FGGY: variants seen among roughly 807,000 people sequenced by gnomAD.
The protein encoded by FGGY is FGGY carbohydrate kinase domain containing, also known as FGGY carbohydrate kinase domain-containing protein.
In FGGY, 72 loss-of-function variants were observed where a neutral mutation model predicts 71.3. That is an observed-to-expected ratio of 1.01 (90% CI 0.84 to 1.23). The LOEUF is 1.23. Among genes scored for constraint, FGGY ranks in the 50% most tolerant of loss-of-function variants. The pLI is 0.00. For synonymous variants in FGGY, 251 were observed against 250.3 expected (o/e 1.00, Z -0.02); for missense variants, 668 against 682.3 (o/e 0.98, Z 0.23).
At chr1:59,394,107 G>A (rs779334137) in intron 5 of FGGY, among the ~76,000 whole-genome samples, 16 of 152,154 alleles carry the variant, frequency 1.1e-4, no homozygotes, top group Non-Finnish European at 2.1e-4. Context: ...GGAAGGGCCA[G>A]TATTTTTCTT....
chr1:59,648,559 G>T (rs2097123486), intron 11 of FGGY, among the ~76,000 whole-genome samples: 1 of 145,942 alleles, frequency 6.9e-6, no homozygotes, highest in Non-Finnish European at 1.5e-5. Context: ...TTTGAGAAGT[G>T]TCTGTTCATG....
intron 13 of FGGY, among the ~76,000 whole-genome samples, chr1:59,669,201 G>T (rs2097353351): frequency 6.6e-6 from 1 of 152,108 alleles, no homozygotes; most frequent in Admixed American, 6.6e-5. Flanking sequence ...AATTAAATTG[G>T]CTATCTAAAG....
At chr1:59,695,711 A>G (rs2097651636) in intron 14 of FGGY, among the ~76,000 whole-genome samples, 1 of 152,202 alleles carries the variant, frequency 6.6e-6, no homozygotes, top group Non-Finnish European at 1.5e-5. Flanking sequence ...TCCAAAGCCC[A>G]TTACACTGTG....
chr1:59,387,894 A>T lies in FGGY; in HGVS notation c.554+9057A>T, dbSNP rs540870133. Among the ~76,000 whole-genome samples, 149 of 152,252 alleles carry T rather than the reference A, an allele frequency of 9.8e-4. 3 individuals carry two copies. The South Asian group carries it at 0.029, about 30-fold the overall frequency. ...CTTAAGGCAATTAAAATTAATCCTC[A>T]TACTCCCTTACAGGTATCCCTGCTG... On this transcript the variant is annotated intron_variant, in intron 5 of 15. Coordinates refer to ENST00000303721, the MANE Select transcript of FGGY (RefSeq NM_018291.5).
intron 8 of FGGY, among the ~76,000 whole-genome samples, chr1:59,598,875 C>T (rs2096548362): frequency 6.6e-6 from 1 of 152,186 alleles, no homozygotes; most frequent in South Asian, 2.1e-4. Context: ...ATCTAATTTA[C>T]AAACAGGTAC....
At chr1:59,433,497 G>A (rs1316927389) in intron 5 of FGGY, among the ~76,000 whole-genome samples, 1 of 152,144 alleles carries the variant, frequency 6.6e-6, no homozygotes, top group African/African-American at 2.4e-5. Context: ...AGTGTGCCAG[G>A]CCTTCACGGG....
At chr1:59,571,854 G>C (rs1241889776) in intron 8 of FGGY, among the ~76,000 whole-genome samples, 1 of 152,104 alleles carries the variant, frequency 6.6e-6, no homozygotes, top group African/African-American at 2.4e-5. Flanking sequence ...GATACATACA[G>C]AATTATTTCA....
At chr1:59,589,653 A>G (rs973899839) in intron 8 of FGGY, among the ~76,000 whole-genome samples, 14 of 152,182 alleles carry the variant, frequency 9.2e-5, no homozygotes, top group Admixed American at 3.9e-4. Context: ...CCGCTCAACT[A>G]CATGGAAACT....
intron 5 of FGGY, among the ~76,000 whole-genome samples, chr1:59,437,356 C>T (rs968347747): frequency 2.7e-4 from 41 of 152,226 alleles, no homozygotes; most frequent in Admixed American, 6.5e-5. Flanking sequence ...ACAAAACTGG[C>T]CCAGTGGTAG....
intron 9 of FGGY, among the ~76,000 whole-genome samples, chr1:59,610,486 G>A (rs761968896): frequency 3.9e-5 from 6 of 152,114 alleles, no homozygotes; most frequent in African/African-American, 1.2e-4. Flanking sequence ...TCACTGATGG[G>A]CATTTGGGTC....
At chr1:59,724,049 G>A (rs2097919314) in intron 14 of FGGY, among the ~76,000 whole-genome samples, 1 of 152,132 alleles carries the variant, frequency 6.6e-6, no homozygotes, top group Non-Finnish European at 1.5e-5. Context: ...TGTAATCCCA[G>A]CTACTCAGGA....
At chr1:59,297,816 GAAAAA>G (rs35768218) in intron 1 of FGGY, among the ~76,000 whole-genome samples, 1 of 135,054 alleles carries the variant, frequency 7.4e-6, no homozygotes, top group Non-Finnish European at 1.6e-5. Flanking sequence ...GAGCGTCTCA[GAAAAA>G]AAAAAAAAAA....
chr1:59,537,918 A>G (rs962168950), intron 7 of FGGY, among the ~76,000 whole-genome samples: 12 of 152,234 alleles, frequency 7.9e-5, no homozygotes, highest in Non-Finnish European at 1.8e-4. Context: ...AGGCATTACC[A>G]TTCAGAACAT....
At chr1:59,741,600 T>C (rs937233623) in intron 14 of FGGY, among the ~76,000 whole-genome samples, 3 of 151,374 alleles carry the variant, frequency 2.0e-5, no homozygotes, top group African/African-American at 7.4e-5. Flanking sequence ...GGCCAGAAAT[T>C]CAAGACCAAC....
chr1:59,466,823 T>A (rs1034449663), intron 6 of FGGY, among the ~76,000 whole-genome samples: 1 of 152,124 alleles, frequency 6.6e-6, no homozygotes, highest in Non-Finnish European at 1.5e-5. Context: ...CTCACACCAG[T>A]TAGAATGGTG....
intron 14 of FGGY, chr1:59,698,634 AT>A (rs567222148): frequency 4.9e-4 from 218 of 443,310 alleles, no homozygotes; most frequent in African/African-American, 1.6e-3. Context: ...CCACTTGGGA[AT>A]TTTTTTTTCT....
At chr1:59,707,990 A>T (rs369785693) in intron 14 of FGGY, among the ~76,000 whole-genome samples, 67 of 152,326 alleles carry the variant, frequency 4.4e-4, no homozygotes, top group African/African-American at 1.6e-3. Context: ...ATCTAGTCCA[A>T]TGCATTTAAA....
At chr1:59,368,993 A>G (rs931239988) in intron 4 of FGGY, among the ~76,000 whole-genome samples, 23 of 152,050 alleles carry the variant, frequency 1.5e-4, no homozygotes, top group African/African-American at 4.1e-4. Flanking sequence ...AACGCAGAAG[A>G]CGGGTGATTT....
chr1:59,734,155 T>C (rs1009340119), intron 14 of FGGY, among the ~76,000 whole-genome samples: 3 of 152,226 alleles, frequency 2.0e-5, no homozygotes, highest in African/African-American at 4.8e-5. Context: ...TTTCTTTTTC[T>C]TTTTATTTAT....
Sources: allele counts gnomAD v4.1 joint callset (sites outside exome capture counted in the v4.1 genomes callset), GRCh38; gene constraint gnomAD v4.1.1; transcripts MANE v1.5; gene names NCBI Gene and HGNC (gene_info 2026-07-23, HGNC 2026-07-21).